The following MORC3 variants were observed in gnomAD, a reference collection of about 807,000 sequenced individuals.
MORC3 encodes the protein MORC family CW-type zinc finger protein 3.
A neutral mutation model predicts 109.1 loss-of-function variants in MORC3; 31 were observed. The ratio of observed to expected loss-of-function variants is 0.28; its 90% CI spans 0.21 to 0.38. The LOEUF is 0.38. Among genes scored for constraint, MORC3 ranks in the 10% least tolerant of loss-of-function variants. The pLI is 1.00. For synonymous variants in MORC3, 395 were observed against 380.7 expected, an observed-to-expected ratio of 1.04 and a Z score of -0.44; for missense variants, 867 against 1,135.8, an observed-to-expected ratio of 0.76 and a Z score of 3.40.
At chr21:36,330,151 C>A (rs2085298805) in intron 1 of MORC3, among the ~76,000 whole-genome samples, 2 of 152,046 alleles carry the variant, frequency 1.3e-5, no homozygotes, top group African/African-American at 4.8e-5. Context: ...TGTGAGCCAC[C>A]AGACCCGTCC....
rs1176374419 is a variant in MORC3, at chr21:36,327,165, T to C, written c.40-6481T>C. Among the ~76,000 whole-genome samples the C allele has an allele frequency of 4.3e-3, 568 of 131,124 alleles. 1 individual carries two copies. The highest frequency in any genetic ancestry group is 6.2e-3 in the Non-Finnish European group (378 of 61,212). 86.0% of individuals were successfully genotyped at this position (131,124 alleles called of 152,430 possible). A position where few individuals can be genotyped will look rare whatever the true frequency, so the allele number is the denominator to read the frequency against. On this transcript the variant is annotated intron_variant, in intron 1 of 16. Coordinates refer to ENST00000400485, the MANE Select transcript of MORC3 (RefSeq NM_015358.3). Reference sequence around the variant, plus strand: ...TAATTGGCTTTATTTCTTTTTTTTTTTTTTTTTTTTTTTTTTTGAGACAGA... The same window carrying C: ...TAATTGGCTTTATTTCTTTTTTTTTCTTTTTTTTTTTTTTTTTGAGACAGA...
At chr21:36,324,151 A>C (rs945408485) in intron 1 of MORC3, among the ~76,000 whole-genome samples, 8 of 152,304 alleles carry the variant, frequency 5.3e-5, no homozygotes, top group Non-Finnish European at 1.0e-4. Context: ...CTGGGATGAC[A>C]GGCATGAGGC....
At chr21:36,328,631 G>A (rs372677202) in intron 1 of MORC3, among the ~76,000 whole-genome samples, 3 of 151,908 alleles carry the variant, frequency 2.0e-5, no homozygotes, top group Admixed American at 6.6e-5. Flanking sequence ...ATGAGCCACC[G>A]CGCCTGGCCA....
At chr21:36,363,595 A>G (rs2085744616) in intron 13 of MORC3, among the ~76,000 whole-genome samples, 1 of 152,250 alleles carries the variant, frequency 6.6e-6, no homozygotes, top group Non-Finnish European at 1.5e-5. Context: ...CATGAACTTT[A>G]TTGAATACTG....
intron 15 of MORC3, 77 bp downstream of exon 15, chr21:36,369,953 G>A: frequency 1.7e-5 from 26 of 1,521,270 alleles, no homozygotes; most frequent in Admixed American, 9.3e-5. Context: ...TTGGCTGGGC[G>A]CGGTGGCTCA....
intron 10 of MORC3, 123 bp from the exon 11 acceptor site, chr21:36,359,832 C>T (rs74842580): frequency 0.025 from 35,321 of 1,390,610 alleles, 570 homozygotes; most frequent in Admixed American, 0.067. Flanking sequence ...GAAAGAGTTA[C>T]GTCATAATTT....
chr21:36,369,707 TAGAA>T lies in MORC3; in HGVS notation c.2342_2345del (p.Glu781GlyfsTer2). ...CAGTATCAGCAAGCTTTGGAAGAAA[TAGAA>T]AGGCTGAAAAAACAATGTAGTGCTT... On this transcript the variant is annotated frameshift_variant, in exon 15 of 17. Transcript: ENST00000400485. LOFTEE classifies it high-confidence loss of function. 2.5e-6 allele frequency: 4 copies of T among 1,614,062 alleles called. No individual in the cohort carries two copies. Among genetic ancestry groups the T allele is most frequent in the Non-Finnish European group, 3.4e-6 (4 of 1,179,992 alleles).
intron 8 of MORC3, among the ~76,000 whole-genome samples, chr21:36,347,639 A>C (rs906880298): frequency 5.9e-5 from 9 of 152,208 alleles, no homozygotes; most frequent in Non-Finnish European, 1.3e-4. Context: ...CATGCCCTCA[A>C]AGCTCAGTTT....
At position 36,369,886 on chromosome 21, in the gene MORC3, A is replaced by G; in HGVS notation, c.2508+10A>G. The stretch of plus-strand genomic sequence containing the variant: ...CCAGTATAAAAGTGAGGTGAGTTAT[A>G]TCATCCAACATGTAGTCATGGAGTC... On this transcript the variant is annotated intron_variant, in intron 15 of 16. Coordinates refer to ENST00000400485, the MANE Select transcript of MORC3 (RefSeq NM_015358.3). 6.2e-7 allele frequency: 1 copy of G among 1,605,732 alleles called. No individual in the cohort carries two copies. Among genetic ancestry groups the G allele is most frequent in the Non-Finnish European group, 8.5e-7 (1 of 1,178,674 alleles).
chr21:36,324,435 G>T (rs1027295899), intron 1 of MORC3, among the ~76,000 whole-genome samples: 1 of 151,692 alleles, frequency 6.6e-6, no homozygotes, highest in Non-Finnish European at 1.5e-5. Flanking sequence ...CTGCCACGTT[G>T]CCTGGTTAAT....
chr21:36,320,452 TC>T (rs2085177921), intron 1 of MORC3, 149 bp downstream of exon 1: 1 of 707,262 alleles, frequency 1.4e-6, no homozygotes, highest in Non-Finnish European at 1.9e-6. Flanking sequence ...GCCATCTCGC[TC>T]CCGTCGGCGG....
chr21:36,356,875 A>G (rs918928855), intron 10 of MORC3, 151 bp downstream of exon 10: 2 of 499,320 alleles, frequency 4.0e-6, no homozygotes, highest in Non-Finnish European at 7.3e-6. Flanking sequence ...AAATCAGTGA[A>G]TAGAATGTAA....
intron 3 of MORC3, 139 bp from the exon 4 acceptor site, chr21:36,337,593 G>A (rs1306612835): frequency 5.6e-6 from 3 of 533,468 alleles, no homozygotes; most frequent in Non-Finnish European, 9.1e-6. Flanking sequence ...AGCTAGGAAG[G>A]GTGAGGCCAG....
At position 36,375,270 on chromosome 21, in the gene MORC3, C is replaced by T; in HGVS notation, c.2794C>T (p.Gln932Ter). 6.2e-7 allele frequency: 1 copy of T among 1,613,056 alleles called. No homozygotes were observed. The highest frequency in any genetic ancestry group is 8.5e-7 in the Non-Finnish European group (1 of 1,179,360). ...TGAGATTTTAGGACAAGTTGTTGAA[C>T]AAATGAGTGAAATCAGTAGTACTTA... ...VDEILGQVVE[Q>*]MSEISST is the part of the protein sequence containing the mutation. The change falls in exon 17 of 17, where the codon CAA becomes TAA. Residue 932 changes from glutamine to a stop codon, truncating the protein, a stop_gained. Coordinates refer to ENST00000400485, the MANE Select transcript of MORC3 (RefSeq NM_015358.3). LOFTEE classifies it high-confidence loss of function.
In MORC3 at chr21:36,338,967, G is replaced by A. The variant is rs768407820; in HGVS notation, c.608+46G>A. 7.5e-6 allele frequency: 12 copies of A among 1,590,778 alleles called. 1 individual carries two copies. Among genetic ancestry groups the A allele is most frequent in the South Asian group, 5.5e-5 (5 of 90,202 alleles). ...TGACCGTTTGGGAAGTAAAGTGCAC[G>A]TGCAGGGTGGTGGTGTTATATTCAT... is the stretch of plus-strand genomic sequence containing the variant. On this transcript the variant is annotated intron_variant, in intron 5 of 16. Coordinates refer to ENST00000400485, the MANE Select transcript of MORC3 (RefSeq NM_015358.3).
chr21:36,331,243 A>G (rs1479499130), intron 1 of MORC3, among the ~76,000 whole-genome samples: 1 of 152,214 alleles, frequency 6.6e-6, no homozygotes. Flanking sequence ...AGAATGAACA[A>G]AAAAATTGCA....
intron 14 of MORC3, among the ~76,000 whole-genome samples, chr21:36,365,603 C>T (rs999009225): frequency 5.9e-5 from 9 of 151,948 alleles, no homozygotes; most frequent in African/African-American, 1.5e-4. Context: ...TTTTTTGAGT[C>T]GGAGTTTGGC....
chr21:36,337,952 C>A lies in MORC3; in HGVS notation c.460+6C>A. 6.2e-7 allele frequency: 1 copy of A among 1,610,004 alleles called. No individual in the cohort carries two copies. The highest frequency in any genetic ancestry group is 1.3e-5 in the African/African-American group (1 of 74,770). The stretch of plus-strand genomic sequence containing the variant: ...AGTGGCATTCAACAAGCACCATATC[C>A]TTTTGGTTGTGAAATAAAAGCTGTG... On this transcript the variant is annotated splice_donor_region_variant and intron_variant, in intron 4 of 16. Transcript: ENST00000400485.
At chr21:36,328,360 T>C (rs1345510239) in intron 1 of MORC3, among the ~76,000 whole-genome samples, 1 of 147,514 alleles carries the variant, frequency 6.8e-6, no homozygotes, top group African/African-American at 2.5e-5. Flanking sequence ...TTTTTTTTTT[T>C]AACCACACCT....
Sources: gnomAD v4.1 joint callset for allele counts (sites outside exome capture counted in the v4.1 genomes callset) on GRCh38, gnomAD v4.1.1 for gene constraint, MANE v1.5 for transcripts, NCBI Gene and HGNC (gene_info 2026-07-23, HGNC 2026-07-21) for gene names.